The following MBD5 variants were observed in gnomAD, a reference collection of about 807,000 sequenced individuals.
The protein encoded by MBD5 is methyl-CpG binding domain protein 5.
Under a neutral mutation model 117.3 loss-of-function variants are expected in MBD5, and 13 were observed. That is an observed-to-expected ratio of 0.11 (90% CI 0.07 to 0.18). The LOEUF (loss-of-function observed/expected upper bound fraction) is 0.18, where lower values mean the gene tolerates loss of function less well. MBD5 is among the 10% of genes least tolerant of loss of function. MBD5 has a pLI of 1.00. For missense variants in MBD5, 1,879 were observed against 2,093.8 expected (o/e 0.90, Z 2.00); for synonymous variants, 727 against 766.4 (o/e 0.95, Z 0.85).
intron 3 of MBD5, among the ~76,000 whole-genome samples, chr2:148,339,986 T>C (rs1014448595): frequency 6.6e-6 from 1 of 152,134 alleles, no homozygotes; most frequent in Admixed American, 6.6e-5. Context: ...CTTTTTTCTC[T>C]GTATCAGTTC....
At chr2:148,153,691 C>G in intron 1 of MBD5, among the ~76,000 whole-genome samples, 1 of 142,272 alleles carries the variant, frequency 7.0e-6, no homozygotes, top group Non-Finnish European at 1.5e-5. Context: ...TCATTCATTT[C>G]ATCTTCCATC....
At chr2:148,412,272 T>TTTTTTTTGTGTGTGTGTG (rs946184910) in intron 4 of MBD5, among the ~76,000 whole-genome samples, 4 of 144,480 alleles carry the variant, frequency 2.8e-5, no homozygotes, top group African/African-American at 1.0e-4. Context: ...AGTATACTTT[T>TTTTTTTTGTGTGTGTGTG]TGTGTGTGTG....
intron 4 of MBD5, among the ~76,000 whole-genome samples, chr2:148,413,803 G>T (rs768320627): frequency 1.3e-5 from 2 of 151,364 alleles, no homozygotes; most frequent in East Asian, 3.9e-4. Flanking sequence ...TTTCTGTGGA[G>T]TTGGTGGTAA....
intron 3 of MBD5, among the ~76,000 whole-genome samples, chr2:148,311,328 G>T (rs1346799367): frequency 6.6e-6 from 1 of 152,078 alleles, no homozygotes; most frequent in African/African-American, 2.4e-5. Flanking sequence ...ATCTCTCAGT[G>T]CTCCTGTTAT....
rs1159418656 is a variant in MBD5 at position 148,427,812 on chromosome 2, A to G, written c.-556-30391A>G. Among the ~76,000 whole-genome samples, 4 of 151,996 alleles carry G rather than the reference A, an allele frequency of 2.6e-5. No homozygotes were observed. The East Asian group carries it at 7.7e-4, about 29-fold the overall frequency. ...AATAAAAATAAAAAAGAATAAAAAA[A>G]TGAAAAAAGAAGGAAATACCCAAAA... On this transcript the variant is annotated intron_variant, in intron 4 of 13. Transcript: ENST00000642680.
chr2:148,139,663 C>T (rs1440623315), intron 1 of MBD5, among the ~76,000 whole-genome samples: 3 of 152,124 alleles, frequency 2.0e-5, no homozygotes, highest in Non-Finnish European at 4.4e-5. Context: ...CCCCAGACAA[C>T]AAAAAGTACA....
intron 1 of MBD5, among the ~76,000 whole-genome samples, chr2:148,125,590 C>T (rs973892037): frequency 1.5e-4 from 23 of 152,186 alleles, no homozygotes; most frequent in Admixed American, 1.3e-3. Context: ...TTTTCACTTT[C>T]CCATTCATAC....
chr2:148,516,960 A>G lies in MBD5; in HGVS notation c.*4019A>G, dbSNP rs1216338922. 6.6e-6 allele frequency: 1 copy of G among 152,182 alleles called. No homozygotes were observed. The highest frequency in any genetic ancestry group is 1.9e-4 in the East Asian group (1 of 5,204). 9.4% of individuals were successfully genotyped at this position (152,182 alleles called of 1,614,324 possible). On this transcript the variant is annotated 3_prime_UTR_variant, in exon 14 of 14. Coordinates refer to ENST00000642680, the MANE Select transcript of MBD5 (RefSeq NM_001378120.1). ...TATGGATTAAGTATAAATACACTGGATTGTCTATGTAGAAGTGTAGCAGTT... is the reference window on the plus strand; with the variant it reads ...TATGGATTAAGTATAAATACACTGGGTTGTCTATGTAGAAGTGTAGCAGTT...
chr2:148,278,601 T>G (rs1701169051), intron 3 of MBD5, among the ~76,000 whole-genome samples: 1 of 152,218 alleles, frequency 6.6e-6, no homozygotes, highest in Non-Finnish European at 1.5e-5. Context: ...AATGTTTATT[T>G]GCCCTAAATT....
At chr2:148,491,429 A>G (rs559064801) in intron 11 of MBD5, among the ~76,000 whole-genome samples, 4 of 151,972 alleles carry the variant, frequency 2.6e-5, no homozygotes, top group Admixed American at 2.6e-4. Context: ...ACATTCCCCC[A>G]TATGATTAAA....
At chr2:148,467,826 C>T (rs376520222) in intron 7 of MBD5, among the ~76,000 whole-genome samples, 6 of 152,144 alleles carry the variant, frequency 3.9e-5, no homozygotes, top group African/African-American at 1.4e-4. Context: ...AGATAACAAA[C>T]ATTTTGTTAT....
intron 4 of MBD5, among the ~76,000 whole-genome samples, chr2:148,356,435 C>T (rs999562851): frequency 6.6e-6 from 1 of 152,046 alleles, no homozygotes; most frequent in Admixed American, 6.6e-5. Context: ...GTCACTCTCC[C>T]CCACTGGACT....
At position 148,021,452 on chromosome 2, in the gene MBD5, T is replaced by C; in HGVS notation, c.-1157T>C. The C allele has an allele frequency of 1.7e-6, 1 of 572,408 alleles. No individual in the cohort carries two copies. The highest frequency in any genetic ancestry group is 2.2e-5 in the Admixed American group (1 of 46,276). 35.5% of individuals were successfully genotyped at this position (572,408 alleles called of 1,614,324 possible). ...AAGCCTCTTAGCAACACAGACCCTT[T>C]GCTGCTGCTGTTGCTGCTGCTGCTG... On this transcript the variant is annotated 5_prime_UTR_variant, in exon 1 of 14. Coordinates refer to ENST00000642680, the MANE Select transcript of MBD5 (RefSeq NM_001378120.1).
intron 4 of MBD5, among the ~76,000 whole-genome samples, chr2:148,365,616 A>G (rs1203034384): frequency 6.6e-6 from 1 of 152,182 alleles, no homozygotes; most frequent in Non-Finnish European, 1.5e-5. Context: ...GAAGAATCAA[A>G]TAGACACAAT....
intron 3 of MBD5, among the ~76,000 whole-genome samples, chr2:148,311,345 C>A (rs1366501557): frequency 6.6e-6 from 1 of 152,110 alleles, no homozygotes; most frequent in African/African-American, 2.4e-5. Context: ...TTATTAGGTG[C>A]ATATATATTA....
At chr2:148,444,504 C>A (rs1706430324) in intron 4 of MBD5, among the ~76,000 whole-genome samples, 1 of 151,196 alleles carries the variant, frequency 6.6e-6, no homozygotes, top group Admixed American at 6.6e-5. Context: ...CAAAATGAGA[C>A]CCCTATGTTT....
intron 4 of MBD5, among the ~76,000 whole-genome samples, chr2:148,390,549 A>G (rs1055829820): frequency 4.1e-5 from 5 of 121,494 alleles, no homozygotes; most frequent in African/African-American, 1.6e-4. Context: ...GTGTATATAT[A>G]TACGTGTATG....
intron 5 of MBD5, among the ~76,000 whole-genome samples, chr2:148,460,890 A>G (rs934900938): frequency 2.0e-5 from 3 of 152,100 alleles, no homozygotes; most frequent in Non-Finnish European, 2.9e-5. Flanking sequence ...CTTTTCACCA[A>G]ATTCATGAAT....
intron 4 of MBD5, among the ~76,000 whole-genome samples, chr2:148,439,385 A>G (rs1468939671): frequency 6.6e-6 from 1 of 152,156 alleles, no homozygotes; most frequent in Non-Finnish European, 1.5e-5. Context: ...GTAGTTTGCA[A>G]TGATAAGTTA....
Sources: allele counts gnomAD v4.1 joint callset (sites outside exome capture counted in the v4.1 genomes callset), GRCh38; gene constraint gnomAD v4.1.1; transcripts MANE v1.5; gene names NCBI Gene and HGNC (gene_info 2026-07-23, HGNC 2026-07-21).